Variants in TACC1 observed in about 807,000 individuals in gnomAD.
TACC1 encodes the protein transforming acidic coiled-coil-containing protein 1.
Under a neutral mutation model 84.4 loss-of-function variants are expected in TACC1, and 48 were observed. That is an observed-to-expected ratio of 0.57 (90% confidence interval 0.45 to 0.72). The LOEUF is 0.72. TACC1 is among the 30% of genes least tolerant of loss of function. TACC1 has a pLI of 0.00. For missense variants in TACC1, 920 were observed against 973.0 expected, an observed-to-expected ratio of 0.95 and a Z score of 0.72; for synonymous variants, 372 against 376.3, an observed-to-expected ratio of 0.99 and a Z score of 0.13.
At chr8:38,774,524 A>T (rs967925674) in intron 3 of TACC1, among the ~76,000 whole-genome samples, 1 of 152,110 alleles carries the variant, frequency 6.6e-6, no homozygotes, top group Admixed American at 6.5e-5. Context: ...ACAGAGTCTC[A>T]CTCTATAGCC....
chr8:38,809,993 T>C (rs1296386224), intron 2 of TACC1, among the ~76,000 whole-genome samples: 1 of 152,168 alleles, frequency 6.6e-6, no homozygotes, highest in Non-Finnish European at 1.5e-5. Flanking sequence ...AAAAAAACTT[T>C]AAAAAACTAG....
intron 3 of TACC1, among the ~76,000 whole-genome samples, chr8:38,778,321 A>G (rs896427770): frequency 2.0e-5 from 3 of 152,030 alleles, no homozygotes; most frequent in Non-Finnish European, 2.9e-5. Context: ...CAATGGGTAC[A>G]GAAGGAACAG....
chr8:38,783,116 A>C (rs962189921), upstream of TACC1, among the ~76,000 whole-genome samples: 2,030 of 147,042 alleles, frequency 0.014, 40 homozygotes, highest in African/African-American at 0.048. Flanking sequence ...CTATATATAT[A>C]TATATATATA....
chr8:38,825,286 T>C (rs1412282041), intron 3 of TACC1, 22 bp from the exon 4 acceptor site: 6 of 1,613,636 alleles, frequency 3.7e-6, no homozygotes, highest in Non-Finnish European at 5.1e-6. Context: ...AACTGGCTTG[T>C]TTGTGTTTCT....
chr8:38,752,190 G>T (rs1809166582), intron 3 of TACC1, among the ~76,000 whole-genome samples: 1 of 152,124 alleles, frequency 6.6e-6, no homozygotes, highest in Non-Finnish European at 1.5e-5. Flanking sequence ...TACCTTCTTG[G>T]CCAGGCACTG....
At position 38,816,744 on chromosome 8, in the gene TACC1, C is replaced by G. The variant is rs528584963; in HGVS notation, c.278-2778C>G. 2.0e-5 allele frequency among the ~76,000 whole-genome samples: 3 copies of G among 152,288 alleles called. No homozygotes were observed. In the South Asian group the frequency reaches 6.2e-4, roughly 32 times the overall value. On this transcript the variant is annotated intron_variant, in intron 2 of 12. Coordinates refer to ENST00000317827, the MANE Select transcript of TACC1 (RefSeq NM_006283.3). ...ACTCCCTCTGGGCACACCACCCTCCCAGTAAGTCAACATGTTCACCAACCT... is the reference window on the plus strand; with the variant it reads ...ACTCCCTCTGGGCACACCACCCTCCGAGTAAGTCAACATGTTCACCAACCT...
intron 2 of TACC1, among the ~76,000 whole-genome samples, chr8:38,794,207 G>A (rs552954392): frequency 6.6e-5 from 10 of 152,298 alleles, no homozygotes; most frequent in East Asian, 5.8e-4. Flanking sequence ...AATTAGGGAA[G>A]AATGGGGAGA....
intron 1 of TACC1, among the ~76,000 whole-genome samples, chr8:38,729,740 G>T (rs1804553422): frequency 6.6e-6 from 1 of 152,060 alleles, no homozygotes; most frequent in African/African-American, 2.4e-5. Flanking sequence ...GTGGTGGCAG[G>T]TACCTGTAAT....
rs531816331 is a variant in TACC1 at position 38,799,263 on chromosome 8, G to A, written c.277+10444G>A. 2.6e-5 allele frequency among the ~76,000 whole-genome samples: 4 copies of A among 152,298 alleles called. No individual in the cohort carries two copies. In the East Asian group the frequency reaches 7.7e-4, roughly 29 times the overall value. ...AGCCGTTAGCCTAGAGCTGAGCTGCGGCATCACTGAACAATTAGCTAGGCC... is the reference window on the plus strand; with the variant it reads ...AGCCGTTAGCCTAGAGCTGAGCTGCAGCATCACTGAACAATTAGCTAGGCC... On this transcript the variant is annotated intron_variant, in intron 2 of 12. Coordinates refer to ENST00000317827, the MANE Select transcript of TACC1 (RefSeq NM_006283.3).
At chr8:38,770,545 C>T (rs1020903346) in intron 3 of TACC1, among the ~76,000 whole-genome samples, 1 of 152,176 alleles carries the variant, frequency 6.6e-6, no homozygotes. Context: ...AGAATCAGTT[C>T]CTCGCAGGCT....
chr8:38,786,311 T>C (rs371424879), upstream of TACC1, among the ~76,000 whole-genome samples: 2 of 152,344 alleles, frequency 1.3e-5, no homozygotes, highest in East Asian at 3.9e-4. Context: ...TCCCATTGCC[T>C]TCAAACCTAA....
In TACC1 at chr8:38,836,177, T is replaced by G; in HGVS notation, c.1729T>G (p.Ser577Ala). The change falls in exon 7 of 13, where the codon TCT becomes GCT. Residue 577 changes from serine (S) to alanine (A), a missense_variant. Transcript: ENST00000317827. ...TTCCCCACAGGGGCTGCTGGAGTCC[T>G]CTGCAGAGAAGGCCCCTGTGTCGGT... ...GSTVLGLLES[S>A]AEKAPVSVSC... 1 of 1,613,496 alleles carries G rather than the reference T, an allele frequency of 6.2e-7. No individual in the cohort carries two copies. Among genetic ancestry groups the G allele is most frequent in the Non-Finnish European group, 8.5e-7 (1 of 1,179,786 alleles).
intron 3 of TACC1, among the ~76,000 whole-genome samples, chr8:38,773,120 G>A (rs571308514): frequency 2.8e-4 from 42 of 152,114 alleles, no homozygotes; most frequent in African/African-American, 1.0e-3. Flanking sequence ...AAGGTCAGGA[G>A]TTTGAGACCA....
intron 12 of TACC1, 81 bp downstream of exon 12, chr8:38,846,900 T>G: frequency 6.5e-7 from 1 of 1,540,018 alleles, no homozygotes; most frequent in Non-Finnish European, 8.8e-7. Flanking sequence ...ATGACAGATC[T>G]GGGTGAAAGA....
rs777789293 is a variant in TACC1 at position 38,831,136 on chromosome 8, G to A, written c.1672G>A (p.Glu558Lys). 2 of 1,614,220 alleles carry A rather than the reference G, an allele frequency of 1.2e-6. No homozygotes were observed. Among genetic ancestry groups the A allele is most frequent in the Middle Eastern group, 1.6e-4 (1 of 6,062 alleles). ...FSSSEAGIEK[E>K]TCQKMEEDGS... Reference sequence around the variant, plus strand: ...ACTTTCTGTCTTAGGCATAGAGAAGGAGACGTGCCAGAAGATGGAAGAAGA... The same window carrying A: ...ACTTTCTGTCTTAGGCATAGAGAAGAAGACGTGCCAGAAGATGGAAGAAGA... The change falls in exon 6 of 13, where the codon GAG (glutamate) becomes AAG (lysine). Residue 558 changes from glutamate (E) to lysine (K), a missense_variant. Around this residue, in one of 2 missense-constraint regions of TACC1, gnomAD observed 762 missense variants for 747.3 expected, o/e 1.02. Transcript: ENST00000317827.
intron 1 of TACC1, chr8:38,788,045 C>A: frequency 2.4e-6 from 1 of 422,882 alleles, no homozygotes; most frequent in Non-Finnish European, 4.2e-6. Context: ...CCCGCCCCTC[C>A]ACACTGGAGC....
At chr8:38,785,418 T>C (rs1187204063), upstream of TACC1, among the ~76,000 whole-genome samples, 1 of 151,974 alleles carries the variant, frequency 6.6e-6, no homozygotes, top group African/African-American at 2.4e-5. Flanking sequence ...AGGATGGGCA[T>C]AGAGGGGAAT....
chr8:38,747,292 T>C (rs1012319842), intron 3 of TACC1, among the ~76,000 whole-genome samples: 4 of 152,218 alleles, frequency 2.6e-5, no homozygotes, highest in African/African-American at 4.8e-5. Context: ...AAGACAGTTT[T>C]GACAGTTTCT....
chr8:38,759,299 A>G (rs1810743201), intron 3 of TACC1, among the ~76,000 whole-genome samples: 1 of 152,212 alleles, frequency 6.6e-6, no homozygotes, highest in African/African-American at 2.4e-5. Flanking sequence ...ATATATGAAT[A>G]ATAAGTTATA....
Sources: gnomAD v4.1 joint callset for allele counts (sites outside exome capture counted in the v4.1 genomes callset) on GRCh38, gnomAD v4.1.1 for gene constraint, gnomAD v4.1.1 regional missense constraint, MANE v1.5 for transcripts, NCBI Gene and HGNC (gene_info 2026-07-23, HGNC 2026-07-21) for gene names.